Variants in CEP85L observed in about 807,000 individuals in gnomAD.
The protein encoded by CEP85L is centrosomal protein 85L, also known as centrosomal protein of 85 kDa-like.
Under a neutral mutation model 100.3 loss-of-function variants are expected in CEP85L, and 60 were observed. That is an observed-to-expected ratio of 0.60 (90% CI 0.49 to 0.74). The LOEUF is 0.74. Ranked by LOEUF, CEP85L falls within the 30% of genes least tolerant of loss-of-function variation. CEP85L has a pLI of 0.00. For synonymous variants in CEP85L, 319 were observed against 322.7 expected (o/e 0.99, Z 0.12); for missense variants, 973 against 936.2 (o/e 1.04, Z -0.51).
intron 1 of CEP85L, among the ~76,000 whole-genome samples, chr6:118,684,402 T>G (rs1776764011): frequency 6.6e-6 from 1 of 152,138 alleles, no homozygotes; most frequent in Admixed American, 6.5e-5. Flanking sequence ...GAGGCTGAAC[T>G]GGGAGGATGG....
chr6:118,465,700 G>T, intron 12 of CEP85L, 132 bp from the exon 13 acceptor site: 1 of 734,034 alleles, frequency 1.4e-6, no homozygotes, highest in Non-Finnish European at 2.2e-6. Context: ...TTCAAGTTAT[G>T]TTTAAATCAT....
intron 3 of CEP85L, among the ~76,000 whole-genome samples, chr6:118,542,783 T>C (rs1389741305): frequency 1.3e-5 from 2 of 150,808 alleles, no homozygotes; most frequent in Non-Finnish European, 2.9e-5. Flanking sequence ...CAAACCACAA[T>C]GCAGTCACTC....
At chr6:118,576,615 G>A (rs149919910) in intron 2 of CEP85L, among the ~76,000 whole-genome samples, 3 of 152,246 alleles carry the variant, frequency 2.0e-5, no homozygotes, top group African/African-American at 4.8e-5. Flanking sequence ...GCCCCTCTGT[G>A]GAAAGAGTTA....
intron 1 of CEP85L, among the ~76,000 whole-genome samples, chr6:118,659,821 C>T (rs2115404195): frequency 6.6e-6 from 1 of 152,370 alleles, no homozygotes; most frequent in East Asian, 1.9e-4. Flanking sequence ...CCCACCCCAG[C>T]TTGCCCTAAG....
chr6:118,493,883 T>C (rs894325875), intron 5 of CEP85L, among the ~76,000 whole-genome samples: 2 of 152,166 alleles, frequency 1.3e-5, no homozygotes, highest in African/African-American at 2.4e-5. Flanking sequence ...CTCAGGAAGA[T>C]GGCTAGGCTA....
intron 6 of CEP85L, 70 bp from the exon 7 acceptor site, chr6:118,483,928 AATAT>A: frequency 7.3e-7 from 1 of 1,367,104 alleles, no homozygotes; most frequent in South Asian, 1.3e-5. Flanking sequence ...CCAACACTTT[AATAT>A]TAGACACCAT....
At chr6:118,486,296 A>C (rs1392061748) in intron 6 of CEP85L, among the ~76,000 whole-genome samples, 1 of 152,110 alleles carries the variant, frequency 6.6e-6, no homozygotes, top group African/African-American at 2.4e-5. Context: ...GTCACTAATA[A>C]ATCTTCTCTA....
At chr6:118,470,442 T>G (rs1772865033) in intron 11 of CEP85L, 95 bp downstream of exon 11, 6 of 580,094 alleles carry the variant, frequency 1.0e-5, no homozygotes, top group African/African-American at 1.9e-5. Flanking sequence ...ATCAAAATCA[T>G]GTCTTTAATC....
chr6:118,652,905 G>A, upstream of CEP85L: 4 of 571,554 alleles, frequency 7.0e-6, no homozygotes, highest in South Asian at 6.8e-5. Context: ...AACACTTGAA[G>A]AGGATAGATT....
chr6:118,643,842 C>G (rs922730466), intron 1 of CEP85L, among the ~76,000 whole-genome samples: 1 of 152,178 alleles, frequency 6.6e-6, no homozygotes, highest in Admixed American at 6.5e-5. Flanking sequence ...ACTGTTAACA[C>G]CAGTTCAGAC....
intron 3 of CEP85L, among the ~76,000 whole-genome samples, chr6:118,538,236 G>T (rs890742657): frequency 1.3e-5 from 2 of 151,830 alleles, no homozygotes; most frequent in African/African-American, 4.8e-5. Context: ...TATTATAGAA[G>T]AAACTGTTTT....
At chr6:118,611,881 A>G (rs1041931603) in intron 2 of CEP85L, among the ~76,000 whole-genome samples, 3 of 145,074 alleles carry the variant, frequency 2.1e-5, no homozygotes, top group Non-Finnish European at 4.7e-5. Context: ...AAAAATACAC[A>G]AATCTATAAT....
intron 1 of CEP85L, among the ~76,000 whole-genome samples, chr6:118,664,710 T>A (rs1425804023): frequency 6.6e-6 from 1 of 152,234 alleles, no homozygotes; most frequent in Admixed American, 6.5e-5. Context: ...GGTTGTAGAA[T>A]CATAGCAACA....
At chr6:118,600,080 T>C (rs193007388) in intron 2 of CEP85L, among the ~76,000 whole-genome samples, 166 of 147,692 alleles carry the variant, frequency 1.1e-3, no homozygotes, top group African/African-American at 4.0e-3. Context: ...TTGATATAAA[T>C]AAACAATTAA....
chr6:118,464,914 T>C lies in CEP85L; in HGVS notation c.*491A>G, dbSNP rs1772410060. The C allele has an allele frequency of 6.6e-6, 1 of 152,312 alleles. No homozygotes were observed. Among genetic ancestry groups the C allele is most frequent in the Non-Finnish European group, 1.5e-5 (1 of 68,204 alleles). 9.4% of individuals were successfully genotyped at this position (152,312 alleles called of 1,614,324 possible). A position where few individuals can be genotyped will look rare whatever the true frequency, so the allele number is the denominator to read the frequency against. ...CTCTTGTTCAGCCAGCCACTGAAAA[T>C]CCCAAAGTACAACACAAGCTTCTAT... On this transcript the variant is annotated 3_prime_UTR_variant, in exon 13 of 13. Transcript: ENST00000368491.
At chr6:118,594,884 A>AC (rs1288907116) in intron 2 of CEP85L, among the ~76,000 whole-genome samples, 1 of 151,420 alleles carries the variant, frequency 6.6e-6, no homozygotes, top group African/African-American at 2.4e-5. Flanking sequence ...AACAAAACAA[A>AC]AAAAAAAAAC....
chr6:118,647,066 G>T, intron 1 of CEP85L: 2 of 985,244 alleles, frequency 2.0e-6, no homozygotes, highest in Non-Finnish European at 2.4e-6. Context: ...TGTTCAGTTG[G>T]GTTTAGGCCA....
chr6:118,709,532 C>CGTGTGTGTGTGTGTGTGTGTGTGTGCGT (rs1209782027), intron 1 of CEP85L, among the ~76,000 whole-genome samples: 3 of 87,158 alleles, frequency 3.4e-5, no homozygotes, highest in Non-Finnish European at 6.8e-5. Flanking sequence ...CAACAATTGG[C>CGTGTGTGTGTGTGTGTGTGTGTGTGCGT]GTGTGTGTGT....
rs1040829363 is a variant in CEP85L, at chr6:118,651,478, C to T, written c.-209G>A. On this transcript the variant is annotated 5_prime_UTR_variant, in exon 1 of 13. Transcript: ENST00000368491. ...CTGCCGGCGCCTGCCATGGCCAAGC[C>T]GGCTGGGCTGAGGCCCGCGCCGGGG... is the stretch of plus-strand genomic sequence containing the variant. The T allele has an allele frequency of 2.3e-6, 3 of 1,304,716 alleles. No individual in the cohort carries two copies. Among genetic ancestry groups the T allele is most frequent in the Non-Finnish European group, 1.9e-6 (2 of 1,029,254 alleles). The allele number at this position is 1,304,716 out of a possible 1,614,324, so 80.8% of individuals were successfully genotyped here. A position where few individuals can be genotyped will look rare whatever the true frequency, so the allele number is the denominator to read the frequency against.
Sources: allele counts gnomAD v4.1 joint callset (sites outside exome capture counted in the v4.1 genomes callset), GRCh38; gene constraint gnomAD v4.1.1; transcripts MANE v1.5; gene names NCBI Gene and HGNC (gene_info 2026-07-23, HGNC 2026-07-21).